VOPP1: variants seen among roughly 807,000 people sequenced by gnomAD.
VOPP1 encodes the protein VOPP1 WW domain binding protein.
Under a neutral mutation model 23.5 loss-of-function variants are expected in VOPP1, and 8 were observed. That is an observed-to-expected ratio of 0.34 (90% confidence interval 0.20 to 0.61). The LOEUF (loss-of-function observed/expected upper bound fraction) is 0.61, where lower values mean the gene tolerates loss of function less well. Ranked by LOEUF, VOPP1 falls within the 20% of genes least tolerant of loss-of-function variation. The pLI, the probability that VOPP1 is intolerant of heterozygous loss-of-function variation, is 0.78. For missense variants in VOPP1, 174 were observed against 238.1 expected (o/e 0.73, Z 1.77); for synonymous variants, 83 against 97.3 (o/e 0.85, Z 0.86).
chr7:55,528,655 C>T (rs1019525997), intron 1 of VOPP1, among the ~76,000 whole-genome samples: 6 of 151,038 alleles, frequency 4.0e-5, no homozygotes, highest in South Asian at 4.2e-4. Flanking sequence ...TACTGCACTC[C>T]GGCCTGGGCA....
intron 1 of VOPP1, among the ~76,000 whole-genome samples, chr7:55,526,322 G>C (rs1020984604): frequency 6.6e-6 from 1 of 152,178 alleles, no homozygotes; most frequent in African/African-American, 2.4e-5. Context: ...ATGTAGTTAA[G>C]CCATCCCAAA....
intron 1 of VOPP1, among the ~76,000 whole-genome samples, chr7:55,568,081 C>CT (rs60284804): frequency 0.64 from 79,279 of 123,812 alleles, 26,863 homozygotes; most frequent in Non-Finnish European, 0.7. Context: ...ACAACTATTC[C>CT]TTTTTTTTTT....
chr7:55,530,672 T>A (rs1457044622), intron 1 of VOPP1, among the ~76,000 whole-genome samples: 3 of 152,222 alleles, frequency 2.0e-5, no homozygotes, highest in African/African-American at 7.2e-5. Context: ...GTCTGTCACA[T>A]CGTGTGCATG....
intron 4 of VOPP1, among the ~76,000 whole-genome samples, chr7:55,444,828 C>A (rs1464051270): frequency 2.0e-5 from 3 of 152,004 alleles, no homozygotes; most frequent in Admixed American, 2.0e-4. Context: ...TCTCTTTATA[C>A]CATATTTTTC....
intron 1 of VOPP1, among the ~76,000 whole-genome samples, chr7:55,543,507 T>C (rs1017713060): frequency 2.0e-5 from 3 of 152,200 alleles, no homozygotes; most frequent in Non-Finnish European, 1.5e-5. Context: ...CTGCTCTCCA[T>C]AGTACTAACT....
chr7:55,567,504 TC>T (rs1798202107), intron 1 of VOPP1, among the ~76,000 whole-genome samples: 1 of 152,204 alleles, frequency 6.6e-6, no homozygotes, highest in African/African-American at 2.4e-5. Flanking sequence ...GCAGAGCTAA[TC>T]AAGTGAGCAC....
chr7:55,462,313 G>A (rs921001804), intron 4 of VOPP1, among the ~76,000 whole-genome samples: 1 of 152,128 alleles, frequency 6.6e-6, no homozygotes, highest in African/African-American at 2.4e-5. Flanking sequence ...TGTTCCTCAA[G>A]TGATAATATA....
chr7:55,482,984 A>G (rs1792857064), intron 4 of VOPP1, among the ~76,000 whole-genome samples: 1 of 152,234 alleles, frequency 6.6e-6, no homozygotes, highest in Non-Finnish European at 1.5e-5. Flanking sequence ...CATTACACAG[A>G]GCAGATCCTC....
intron 3 of VOPP1, among the ~76,000 whole-genome samples, chr7:55,493,775 TA>T (rs1793749699): frequency 6.6e-6 from 1 of 152,144 alleles, no homozygotes; most frequent in Admixed American, 6.5e-5. Flanking sequence ...TACAACCTGG[TA>T]AGTGCTAAAA....
chr7:55,500,399 C>T (rs1794285859), intron 2 of VOPP1, among the ~76,000 whole-genome samples: 1 of 152,250 alleles, frequency 6.6e-6, no homozygotes, highest in African/African-American at 2.4e-5. Context: ...GCAATCCCAG[C>T]AGGACCTCAA....
chr7:55,492,302 T>G lies in VOPP1; in HGVS notation c.308A>C (p.Gln103Pro). 1.2e-6 allele frequency: 2 copies of G among 1,610,528 alleles called. No homozygotes were observed. The highest frequency in any genetic ancestry group is 4.5e-5 in the East Asian group (2 of 44,768). The change falls in exon 4 of 5, where the codon CAG (glutamine) becomes CCG (proline). Residue 103 changes from glutamine (Q) to proline (P), a missense_variant. Coordinates refer to ENST00000285279, the MANE Select transcript of VOPP1 (RefSeq NM_030796.5). ...EPAFNVSYTR[Q>P]PPNPGPGAQQ... ...CTGACCTGGGCCGGGATTTGGGGGCTGCCTGGTGTAGGACACATTGAAGGC... is the reference window on the plus strand; with the variant it reads ...CTGACCTGGGCCGGGATTTGGGGGCGGCCTGGTGTAGGACACATTGAAGGC...
At chr7:55,548,775 C>A (rs1018332731) in intron 1 of VOPP1, among the ~76,000 whole-genome samples, 3 of 152,206 alleles carry the variant, frequency 2.0e-5, no homozygotes, top group Non-Finnish European at 4.4e-5. Context: ...GAAATATAGT[C>A]CATAATCACC....
Position 55,546,440 on chromosome 7 carries a change from G to T in VOPP1, c.55-25310C>A, listed in dbSNP as rs542332259. Among the ~76,000 whole-genome samples the T allele has an allele frequency of 9.8e-5, 15 of 152,350 alleles. No individual in the cohort carries two copies. The South Asian group carries it at 2.5e-3, about 25-fold the overall frequency. ...TGAGCCTAAATCAATACGCCATGAT[G>T]AACTGAATCTCCCAACAGAAAAAGG... is the stretch of plus-strand genomic sequence containing the variant. On this transcript the variant is annotated intron_variant, in intron 1 of 4. Coordinates refer to ENST00000285279, the MANE Select transcript of VOPP1 (RefSeq NM_030796.5).
chr7:55,495,422 G>A (rs974920321), intron 3 of VOPP1, among the ~76,000 whole-genome samples: 7 of 152,130 alleles, frequency 4.6e-5, no homozygotes, highest in African/African-American at 1.2e-4. Context: ...CCATCCTGCC[G>A]CCACTCCTGT....
intron 4 of VOPP1, among the ~76,000 whole-genome samples, chr7:55,438,366 G>A (rs1790883172): frequency 6.6e-6 from 1 of 152,150 alleles, no homozygotes; most frequent in African/African-American, 2.4e-5. Context: ...TGCGTCTGCA[G>A]TCTAGCAGTT....
intron 4 of VOPP1, among the ~76,000 whole-genome samples, chr7:55,488,874 T>C (rs1233255035): frequency 6.6e-6 from 1 of 152,246 alleles, no homozygotes; most frequent in East Asian, 1.9e-4. Context: ...CCGGACAGCC[T>C]CAGGCATGAC....
At chr7:55,548,017 C>T (rs189179560) in intron 1 of VOPP1, among the ~76,000 whole-genome samples, 98 of 152,272 alleles carry the variant, frequency 6.4e-4, no homozygotes, top group Non-Finnish European at 1.2e-3. Flanking sequence ...CAAAATACCC[C>T]GACAGCCACC....
Position 55,537,515 on chromosome 7 carries a change from C to T in VOPP1, c.55-16385G>A, listed in dbSNP as rs748087325. ...CGAGCAAGCACCTGAGCATGTGAGCCCGTCCTTCGCATTCTGTTAGGCGCA... is the reference window on the plus strand; with the variant it reads ...CGAGCAAGCACCTGAGCATGTGAGCTCGTCCTTCGCATTCTGTTAGGCGCA... On this transcript the variant is annotated intron_variant, in intron 1 of 4. Transcript: ENST00000285279. 3.3e-6 allele frequency: 5 copies of T among 1,536,128 alleles called. No homozygotes were observed. The South Asian group carries it at 3.6e-5, about 11-fold the overall frequency.
chr7:55,464,046 G>C (rs999792054), intron 4 of VOPP1, among the ~76,000 whole-genome samples: 1 of 152,202 alleles, frequency 6.6e-6, no homozygotes, highest in African/African-American at 2.4e-5. Flanking sequence ...CCTATCCTCA[G>C]CTCTCTCAAG....
Sources: allele counts gnomAD v4.1 joint callset (sites outside exome capture counted in the v4.1 genomes callset), GRCh38; gene constraint gnomAD v4.1.1; transcripts MANE v1.5; gene names NCBI Gene and HGNC (gene_info 2026-07-23, HGNC 2026-07-21).